The following ARFIP2 variants were observed in gnomAD, a reference collection of about 807,000 sequenced individuals.
The protein encoded by ARFIP2 is ARF interacting protein 2, also known as arfaptin-2.
ARFIP2 carries 14 observed loss-of-function variants against 39.2 expected under a neutral mutation model. The observed-to-expected ratio is 0.36, with a 90% confidence interval of 0.24 to 0.56. The LOEUF (loss-of-function observed/expected upper bound fraction) is 0.56. ARFIP2 is among the 20% of genes least tolerant of loss of function. The pLI is 0.85. For synonymous variants in ARFIP2, 167 were observed against 172.4 expected (o/e 0.97, Z 0.24); for missense variants, 305 against 422.5 (o/e 0.72, Z 2.44).
In ARFIP2 at chr11:6,479,106, A is replaced by G. The variant is rs1486470703; in HGVS notation, c.315+34T>C. 3 of 1,602,708 alleles carry G rather than the reference A, an allele frequency of 1.9e-6. No homozygotes were observed. In the African/African-American group the frequency reaches 4.0e-5, roughly 21 times the overall value. On this transcript the variant is annotated intron_variant, in intron 4 of 7. Transcript: ENST00000396777. ...AAAAGGGAAAAAGGTACCCATAAGG[A>G]GTTTTGGGGAAGGGAGAGGTGCTTA...
Position 6,478,221 on chromosome 11 carries a change from G to A in ARFIP2, c.538-23C>T. ...CTCCTGAGGGCAGAAGGGAGGAACAGACCTTGAATAACACTCCCTACCTGA... is the reference window on the plus strand; with the variant it reads ...CTCCTGAGGGCAGAAGGGAGGAACAAACCTTGAATAACACTCCCTACCTGA... On this transcript the variant is annotated intron_variant, in intron 5 of 7. Coordinates refer to ENST00000396777, the MANE Select transcript of ARFIP2 (RefSeq NM_001376558.2). The surrounding 1 kb of genome is among the most constrained non-coding windows in gnomAD (Gnocchi z 4.8). 3.7e-6 allele frequency: 6 copies of A among 1,613,552 alleles called. No homozygotes were observed. Among genetic ancestry groups the A allele is most frequent in the Non-Finnish European group, 4.2e-6 (5 of 1,179,648 alleles).
chr11:6,477,425 G>A lies in ARFIP2; in HGVS notation c.871-157C>T, dbSNP rs1253421095. 6.6e-6 allele frequency among the ~76,000 whole-genome samples: 1 copy of A among 152,172 alleles called. No homozygotes were observed. The highest frequency in any genetic ancestry group is 2.4e-5 in the African/African-American group (1 of 41,434). On this transcript the variant is annotated intron_variant, in intron 7 of 7. Transcript: ENST00000396777. This position sits in a 1 kb window ranked among gnomAD's most constrained non-coding sequence, Gnocchi z 4.8. ...TCTACCCAGGGAGTCAAAGGAGAAGGGTCAGTATGATGGAAGAAACCTCAC... is the reference window on the plus strand; with the variant it reads ...TCTACCCAGGGAGTCAAAGGAGAAGAGTCAGTATGATGGAAGAAACCTCAC...
chr11:6,478,833 G>C lies in ARFIP2; in HGVS notation c.442C>G (p.Arg148Gly). The C allele has an allele frequency of 3.7e-6, 6 of 1,614,126 alleles. No individual in the cohort carries two copies. The highest frequency in any genetic ancestry group is 2.2e-5 in the East Asian group (1 of 44,888). Residue 148 changes from arginine (R) to glycine (G), a missense_variant, in exon 5 of 8, where the codon CGG becomes GGG. By Grantham distance (125) the Arg-to-Gly change is moderately radical. This residue lies in a region of ARFIP2 where 151 missense variants were observed against 203.1 expected (regional missense o/e 0.74). Transcript: ENST00000396777. The surrounding 1 kb of genome is among the most constrained non-coding windows in gnomAD (Gnocchi z 4.8). ...CTGTAGAGGTGGGCTGTCAGTGCCC[G>C]GCCCAGCTGCAGGACACTCTCATAC... ...RKYESVLQLGRALTAHLYSLL... is the reference protein window; with the variant it reads ...RKYESVLQLGGALTAHLYSLL...
Position 6,477,502 on chromosome 11 carries a change from C to T in ARFIP2, c.870+216G>A, listed in dbSNP as rs150552590. 2.2e-3 allele frequency among the ~76,000 whole-genome samples: 334 copies of T among 152,182 alleles called. 1 individual carries two copies. Among genetic ancestry groups the T allele is most frequent in the Admixed American group, 4.1e-3 (63 of 15,294 alleles). On this transcript the variant is annotated intron_variant, in intron 7 of 7. Transcript: ENST00000396777. This position sits in a 1 kb window ranked among gnomAD's most constrained non-coding sequence, Gnocchi z 4.8. The stretch of plus-strand genomic sequence containing the variant: ...ACCCCAGCTCAGGGGGTGATTTTTC[C>T]CAGTTATGTTCCTGGGACCAGCAGC...
chr11:6,480,720 T>C (rs1039765054), intron 1 of ARFIP2: 1 of 303,172 alleles, frequency 3.3e-6, no homozygotes, highest in Non-Finnish European at 6.2e-6. Flanking sequence ...CAGCAGACAT[T>C]TAGTGAGTGC....
chr11:6,479,626 T>A, intron 3 of ARFIP2: 1 of 551,820 alleles, frequency 1.8e-6, no homozygotes, highest in Non-Finnish European at 3.2e-6. Context: ...CAGGGCTGTT[T>A]GTTCCTCTAA....
Position 6,478,233 on chromosome 11 carries a change from C to T in ARFIP2, c.538-35G>A. On this transcript the variant is annotated intron_variant, in intron 5 of 7. Coordinates refer to ENST00000396777, the MANE Select transcript of ARFIP2 (RefSeq NM_001376558.2). The surrounding 1 kb of genome is among the most constrained non-coding windows in gnomAD (Gnocchi z 4.8). The stretch of plus-strand genomic sequence containing the variant: ...GAAGGGAGGAACAGACCTTGAATAA[C>T]ACTCCCTACCTGACTGAAGCTGTAG... 1 of 1,612,064 alleles carries T rather than the reference C, an allele frequency of 6.2e-7. No individual in the cohort carries two copies. The highest frequency in any genetic ancestry group is 8.5e-7 in the Non-Finnish European group (1 of 1,178,578).
chr11:6,479,118 G>C (rs367877916), intron 4 of ARFIP2, 22 bp downstream of exon 4: 363 of 1,610,902 alleles, frequency 2.3e-4, no homozygotes, highest in Middle Eastern at 3.3e-4. Context: ...TTTTGGGGAA[G>C]GGAGAGGTGC....
At position 6,476,996 on chromosome 11, in the gene ARFIP2, A is replaced by G; in HGVS notation, c.*117T>C. On this transcript the variant is annotated 3_prime_UTR_variant, in exon 8 of 8. Coordinates refer to ENST00000396777, the MANE Select transcript of ARFIP2 (RefSeq NM_001376558.2). ...AAAACTGGTGTCAGGCCCCAGCCAG[A>G]AAAAGGAGCCCAAGCCAGAGGGCAA... 7.8e-7 allele frequency: 1 copy of G among 1,277,850 alleles called. No homozygotes were observed. Among genetic ancestry groups the G allele is most frequent in the Non-Finnish European group, 1.0e-6 (1 of 952,584 alleles). The allele number at this position is 1,277,850 out of a possible 1,614,324, so 79.2% of individuals were successfully genotyped here. A position where few individuals can be genotyped will look rare whatever the true frequency, so the allele number is the denominator to read the frequency against.
Position 6,477,563 on chromosome 11 carries a change from G to A in ARFIP2, c.870+155C>T, listed in dbSNP as rs190519586. ...AACAGGAAAGGGCCAGGAATTGGAG[G>A]GAGGGTGATCTGGAAAGGCCCAGGG... On this transcript the variant is annotated intron_variant, in intron 7 of 7. Transcript: ENST00000396777. This position sits in a 1 kb window ranked among gnomAD's most constrained non-coding sequence, Gnocchi z 4.8. Among the ~76,000 whole-genome samples the A allele has an allele frequency of 7.9e-5, 12 of 152,244 alleles. No individual in the cohort carries two copies. Among genetic ancestry groups the A allele is most frequent in the African/African-American group, 2.9e-4 (12 of 41,536 alleles).
In ARFIP2 at chr11:6,478,661, G is replaced by T; in HGVS notation, c.537+77C>A. 1 of 1,537,418 alleles carries T rather than the reference G, an allele frequency of 6.5e-7. No homozygotes were observed. On this transcript the variant is annotated intron_variant, in intron 5 of 7. Coordinates refer to ENST00000396777, the MANE Select transcript of ARFIP2 (RefSeq NM_001376558.2). This position sits in a 1 kb window ranked among gnomAD's most constrained non-coding sequence, Gnocchi z 4.8. ...GGGGTTCTCCCTGTGGGCTGCAGGA[G>T]GGAGGGAGGATGAGGAATGACTGCC...
At chr11:6,479,698 AG>A (rs1351025727) in intron 3 of ARFIP2, 3 of 547,692 alleles carry the variant, frequency 5.5e-6, no homozygotes, top group East Asian at 3.1e-5. Flanking sequence ...CAAGCTGTAG[AG>A]GGGGGGCATT....
chr11:6,477,315 T>C lies in ARFIP2; in HGVS notation c.871-47A>G, dbSNP rs749310117. ...CTAAGGCTGGACTCAGGCGCCCTTC[T>C]TGAGGGTCTATGAGCCTGAGCCCAG... On this transcript the variant is annotated intron_variant, in intron 7 of 7. Transcript: ENST00000396777. The surrounding 1 kb of genome is among the most constrained non-coding windows in gnomAD (Gnocchi z 4.8). 5.7e-6 allele frequency: 9 copies of C among 1,587,642 alleles called. No homozygotes were observed. The highest frequency in any genetic ancestry group is 6.9e-6 in the Non-Finnish European group (8 of 1,167,068).
chr11:6,479,804 C>T (rs1283251782), intron 3 of ARFIP2, 168 bp downstream of exon 3: 3 of 669,710 alleles, frequency 4.5e-6, no homozygotes, highest in Non-Finnish European at 7.7e-6. Flanking sequence ...AATGGATGGA[C>T]AACGCTGGGA....
rs1005048709 is a variant in ARFIP2 at position 6,480,479 on chromosome 11, C to G, written c.-42-16G>C. ...CCCCAGCACCCTGCAAAGCCCAACA[C>G]AGAAGTTCTGGACACTGGCCAGCAC... On this transcript the variant is annotated splice_polypyrimidine_tract_variant and intron_variant, in intron 1 of 7. Coordinates refer to ENST00000396777, the MANE Select transcript of ARFIP2 (RefSeq NM_001376558.2). 1.4e-6 allele frequency: 2 copies of G among 1,393,876 alleles called. No homozygotes were observed. Among genetic ancestry groups the G allele is most frequent in the Non-Finnish European group, 1.9e-6 (2 of 1,028,872 alleles). 86.3% of individuals were successfully genotyped at this position (1,393,876 alleles called of 1,614,324 possible).
chr11:6,477,041 G>T lies in ARFIP2; in HGVS notation c.*72C>A. On this transcript the variant is annotated 3_prime_UTR_variant, in exon 8 of 8. Coordinates refer to ENST00000396777, the MANE Select transcript of ARFIP2 (RefSeq NM_001376558.2). The surrounding 1 kb of genome is among the most constrained non-coding windows in gnomAD (Gnocchi z 4.8). ...GGGCAAGTGACAAAGGATGTACCAT[G>T]TCCAATCTCCCACACCCTGGGGCTG... 1.3e-6 allele frequency: 2 copies of T among 1,491,368 alleles called. No individual in the cohort carries two copies. The highest frequency in any genetic ancestry group is 9.0e-7 in the Non-Finnish European group (1 of 1,109,294). 92.4% of individuals were successfully genotyped at this position (1,491,368 alleles called of 1,614,324 possible). A position where few individuals can be genotyped will look rare whatever the true frequency, so the allele number is the denominator to read the frequency against.
chr11:6,479,401 G>A, intron 3 of ARFIP2, 143 bp from the exon 4 acceptor site: 1 of 1,561,050 alleles, frequency 6.4e-7, no homozygotes, highest in South Asian at 1.1e-5. Flanking sequence ...TGCTTACTAG[G>A]AGGAACTCGG....
Position 6,476,821 on chromosome 11 carries a change from T to G in ARFIP2, c.*292A>C. 2.9e-6 allele frequency: 1 copy of G among 350,040 alleles called. No homozygotes were observed. Among genetic ancestry groups the G allele is most frequent in the Non-Finnish European group, 5.3e-6 (1 of 188,832 alleles). The allele number at this position is 350,040 out of a possible 1,614,324, so 21.7% of individuals were successfully genotyped here. A position where few individuals can be genotyped will look rare whatever the true frequency, so the allele number is the denominator to read the frequency against. ...AGGGAGCACACCCCAGCCTGAAGAG[T>G]GATGCCATTGGCCAGGGAGTGGTTT... On this transcript the variant is annotated 3_prime_UTR_variant, in exon 8 of 8. Transcript: ENST00000396777.
chr11:6,479,960 G>C lies in ARFIP2; in HGVS notation c.196+12C>G. 6.2e-7 allele frequency: 1 copy of C among 1,612,950 alleles called. No homozygotes were observed. The stretch of plus-strand genomic sequence containing the variant: ...TCCTCCACCCAAGATTCCTGTTTCT[G>C]AACATTCATACCTGTGGGGATGAGT... On this transcript the variant is annotated intron_variant, in intron 3 of 7. Transcript: ENST00000396777.
Sources: gnomAD v4.1 joint callset for allele counts (sites outside exome capture counted in the v4.1 genomes callset) on GRCh38, gnomAD v4.1.1 for gene constraint, gnomAD v4.1.1 regional missense constraint, Gnocchi (gnomAD v3.1) non-coding constraint, MANE v1.5 for transcripts, NCBI Gene and HGNC (gene_info 2026-07-23, HGNC 2026-07-21) for gene names.